The following ERGIC2 variants were observed in gnomAD, a reference collection of about 807,000 sequenced individuals.
ERGIC2 encodes ERGIC and golgi 2.
Under a neutral mutation model 52.5 loss-of-function variants are expected in ERGIC2, and 31 were observed. That is an observed-to-expected ratio of 0.59 (90% CI 0.44 to 0.80). The LOEUF is 0.80. Ranked by LOEUF, ERGIC2 falls within the 30% of genes least tolerant of loss-of-function variation. The pLI is 0.00. For synonymous variants in ERGIC2, 129 were observed against 140.6 expected (o/e 0.92, Z 0.58); for missense variants, 395 against 455.2 (o/e 0.87, Z 1.20).
At position 29,356,395 on chromosome 12, in the gene ERGIC2, T is replaced by G; in HGVS notation, c.559A>C (p.Ile187Leu). The change falls in exon 8 of 14, where the codon ATA becomes CTA. Residue 187 changes from isoleucine to leucine, a missense_variant. Physicochemically the swap from Ile to Leu is conservative, Grantham distance 5 (BLOSUM62 2). Transcript: ENST00000360150. Reference sequence around the variant, plus strand: ...AAAAGAACATACTTGCCCACTGTTATGTGAAAATTCCCTGCTACTTTATTG... The same window carrying G: ...AAAAGAACATACTTGCCCACTGTTAGGTGAAAATTCCCTGCTACTTTATTG... ...YVNKVAGNFH[I>L]TVGKAIPHPR... The G allele has an allele frequency of 6.3e-7, 1 of 1,575,434 alleles. No individual in the cohort carries two copies. Among genetic ancestry groups the G allele is most frequent in the Non-Finnish European group, 8.7e-7 (1 of 1,144,780 alleles).
intron 1 of ERGIC2, among the ~76,000 whole-genome samples, chr12:29,373,422 G>A (rs1940470558): frequency 6.6e-6 from 1 of 152,132 alleles, no homozygotes; most frequent in South Asian, 2.1e-4. Context: ...GTCACTATAA[G>A]AGAAATAATG....
chr12:29,351,158 C>A (rs946034115), intron 8 of ERGIC2, among the ~76,000 whole-genome samples: 20 of 151,814 alleles, frequency 1.3e-4, no homozygotes, highest in East Asian at 7.7e-4. Context: ...CAAAAAAAAA[C>A]CATGGAAATG....
intron 5 of ERGIC2, among the ~76,000 whole-genome samples, chr12:29,362,614 C>T (rs1591995495): frequency 6.6e-6 from 1 of 151,576 alleles, no homozygotes; most frequent in Admixed American, 6.6e-5. Context: ...AAAAAATCCA[C>T]TTTACTAGTC....
chr12:29,353,992 G>A (rs1467478360), intron 8 of ERGIC2, among the ~76,000 whole-genome samples: 1 of 152,036 alleles, frequency 6.6e-6, no homozygotes, highest in South Asian at 2.1e-4. Flanking sequence ...GAAAATTGGT[G>A]GGGGGTGAAG....
At chr12:29,376,605 C>T (rs1940518430) in intron 1 of ERGIC2, among the ~76,000 whole-genome samples, 1 of 152,160 alleles carries the variant, frequency 6.6e-6, no homozygotes, top group African/African-American at 2.4e-5. Context: ...ACACATTTAC[C>T]TCCCCAAGTA....
At chr12:29,364,920 C>A (rs1213981318) in intron 5 of ERGIC2, among the ~76,000 whole-genome samples, 1 of 147,512 alleles carries the variant, frequency 6.8e-6, no homozygotes, top group Non-Finnish European at 1.5e-5. Context: ...TCACACCAGT[C>A]AGAATGGCTA....
rs1949811611 is a variant in ERGIC2, at chr12:29,338,331, T to C, written c.*2825A>G. 1 of 152,090 alleles carries C rather than the reference T, an allele frequency of 6.6e-6. No individual in the cohort carries two copies. Among genetic ancestry groups the C allele is most frequent in the African/African-American group, 2.4e-5 (1 of 41,414 alleles). The allele number at this position is 152,090 out of a possible 1,614,324, so 9.4% of individuals were successfully genotyped here. On this transcript the variant is annotated 3_prime_UTR_variant, in exon 14 of 14. Coordinates refer to ENST00000360150, the MANE Select transcript of ERGIC2 (RefSeq NM_016570.3). ...ATACATGAGAAAAGTGTGATATTAA[T>C]CATCTAACTTGAGAACTAGAAGTAA...
chr12:29,364,009 C>G (rs1940321841), intron 5 of ERGIC2, among the ~76,000 whole-genome samples: 1 of 152,068 alleles, frequency 6.6e-6, no homozygotes, highest in Non-Finnish European at 1.5e-5. Context: ...CATCTTAAAT[C>G]ATTTTAAATT....
At position 29,341,270 on chromosome 12, in the gene ERGIC2, T is replaced by C. The variant is rs1339385482; in HGVS notation, c.1072-52A>G. 9 of 1,377,372 alleles carry C rather than the reference T, an allele frequency of 6.5e-6. No homozygotes were observed. In the Admixed American group the frequency reaches 9.7e-5, roughly 15 times the overall value. The allele number at this position is 1,377,372 out of a possible 1,614,324, so 85.3% of individuals were successfully genotyped here. A position where few individuals can be genotyped will look rare whatever the true frequency, so the allele number is the denominator to read the frequency against. ...ACCAAAGAATTAGTTTTATTCCTTATACTCTTTCCTCTAAACACAAGGTTT... is the reference window on the plus strand; with the variant it reads ...ACCAAAGAATTAGTTTTATTCCTTACACTCTTTCCTCTAAACACAAGGTTT... On this transcript the variant is annotated intron_variant, in intron 13 of 13. Transcript: ENST00000360150.
chr12:29,380,078 CCTCT>C (rs1430687327), intron 1 of ERGIC2, among the ~76,000 whole-genome samples: 7 of 151,220 alleles, frequency 4.6e-5, no homozygotes, highest in East Asian at 1.9e-4. Context: ...AAAAAATCCT[CCTCT>C]CTCTATCCAT....
intron 1 of ERGIC2, among the ~76,000 whole-genome samples, chr12:29,377,086 T>C (rs977606749): frequency 2.0e-5 from 3 of 152,102 alleles, no homozygotes; most frequent in African/African-American, 7.2e-5. Flanking sequence ...CCCTCTCAAA[T>C]AGATATACAT....
At chr12:29,355,368 A>G (rs926894650) in intron 8 of ERGIC2, among the ~76,000 whole-genome samples, 1 of 152,196 alleles carries the variant, frequency 6.6e-6, no homozygotes, top group Non-Finnish European at 1.5e-5. Context: ...AAAATAAATT[A>G]AAAAGGGCAA....
intron 5 of ERGIC2, among the ~76,000 whole-genome samples, chr12:29,365,098 T>C (rs1254864404): frequency 6.6e-6 from 1 of 152,018 alleles, no homozygotes; most frequent in East Asian, 1.9e-4. Context: ...AGCAATCCCA[T>C]TACTGGGTAT....
chr12:29,356,186 T>C (rs2136862866), intron 8 of ERGIC2, among the ~76,000 whole-genome samples, 196 bp downstream of exon 8: 1 of 152,204 alleles, frequency 6.6e-6, no homozygotes, highest in Non-Finnish European at 1.5e-5. Flanking sequence ...CACATCCAGC[T>C]AATTTTTTGT....
chr12:29,351,579 T>C (rs763503765), intron 8 of ERGIC2, among the ~76,000 whole-genome samples: 16 of 152,192 alleles, frequency 1.1e-4, no homozygotes, highest in Non-Finnish European at 1.8e-4. Flanking sequence ...CTGGCTTGTT[T>C]TTTAACTGGC....
chr12:29,359,111 G>A (rs1940248768), intron 6 of ERGIC2, among the ~76,000 whole-genome samples: 2 of 151,744 alleles, frequency 1.3e-5, no homozygotes, highest in South Asian at 2.1e-4. Context: ...TAGTTAGGAA[G>A]ATATCTACCT....
At chr12:29,378,946 T>C (rs968288682) in intron 1 of ERGIC2, among the ~76,000 whole-genome samples, 1 of 152,216 alleles carries the variant, frequency 6.6e-6, no homozygotes, top group Non-Finnish European at 1.5e-5. Context: ...TTTCTAATTC[T>C]CTGAAAAAAA....
chr12:29,368,704 A>G (rs184578068), intron 3 of ERGIC2, among the ~76,000 whole-genome samples: 1 of 152,072 alleles, frequency 6.6e-6, no homozygotes, highest in African/African-American at 2.4e-5. Flanking sequence ...ATGATGCTAG[A>G]TGTTCTACAA....
chr12:29,359,007 A>T (rs1175110967), intron 6 of ERGIC2, among the ~76,000 whole-genome samples: 1 of 152,128 alleles, frequency 6.6e-6, no homozygotes, highest in African/African-American at 2.4e-5. Flanking sequence ...TTGTGATCCT[A>T]AATATTTTAG....
Sources: allele counts gnomAD v4.1 joint callset (sites outside exome capture counted in the v4.1 genomes callset), GRCh38; gene constraint gnomAD v4.1.1; transcripts MANE v1.5; gene names NCBI Gene and HGNC (gene_info 2026-07-23, HGNC 2026-07-21).